The following MYT1L variants were observed in gnomAD, a reference collection of about 807,000 sequenced individuals.
MYT1L encodes the protein myelin transcription factor 1-like protein.
MYT1L carries 12 observed loss-of-function variants against 126.7 expected under a neutral mutation model. That is an observed-to-expected ratio of 0.09 (90% CI 0.06 to 0.15). The LOEUF (loss-of-function observed/expected upper bound fraction) is 0.15. Ranked by LOEUF, MYT1L falls within the 10% of genes least tolerant of loss-of-function variation. MYT1L has a pLI of 1.00. For synonymous variants in MYT1L, 541 were observed against 604.2 expected, an observed-to-expected ratio of 0.90 and a Z score of 1.53; for missense variants, 979 against 1,585.2, an observed-to-expected ratio of 0.62 and a Z score of 6.49.
intron 3 of MYT1L, among the ~76,000 whole-genome samples, chr2:2,092,254 G>A (rs769495614): frequency 6.6e-6 from 1 of 151,832 alleles, no homozygotes; most frequent in Non-Finnish European, 1.5e-5. Flanking sequence ...AGGGTTGTTC[G>A]TTGGCCTAAT....
At chr2:1,936,107 G>C (rs2055845266) in intron 9 of MYT1L, among the ~76,000 whole-genome samples, 2 of 152,048 alleles carry the variant, frequency 1.3e-5, no homozygotes, top group African/African-American at 4.8e-5. Flanking sequence ...ATTTTTAGTA[G>C]AGACAGGGTT....
chr2:2,136,673 TTTC>T (rs2083097233), intron 3 of MYT1L, among the ~76,000 whole-genome samples: 1 of 152,200 alleles, frequency 6.6e-6, no homozygotes, highest in Non-Finnish European at 1.5e-5. Flanking sequence ...CTGTTTAGAT[TTTC>T]TTTCTTGTCT....
intron 4 of MYT1L, among the ~76,000 whole-genome samples, chr2:2,047,384 C>T (rs1246597944): frequency 3.3e-5 from 5 of 152,122 alleles, no homozygotes; most frequent in Non-Finnish European, 1.5e-5. Flanking sequence ...AGAATTTTGT[C>T]CACAAGACTA....
chr2:2,185,070 T>C (rs1264857709), intron 2 of MYT1L, among the ~76,000 whole-genome samples: 6 of 152,278 alleles, frequency 3.9e-5, no homozygotes, highest in Non-Finnish European at 7.4e-5. Flanking sequence ...ATTTAGAAAA[T>C]GCCCTCATGC....
chr2:2,217,919 A>G (rs1393312107), intron 2 of MYT1L, among the ~76,000 whole-genome samples: 1 of 152,224 alleles, frequency 6.6e-6, no homozygotes, highest in Non-Finnish European at 1.5e-5. Context: ...AGATCTGAAC[A>G]GACCTTTTAT....
chr2:2,184,488 A>G (rs970595358), intron 2 of MYT1L, among the ~76,000 whole-genome samples: 3 of 152,162 alleles, frequency 2.0e-5, no homozygotes, highest in Admixed American at 1.3e-4. Context: ...TAAAATGATG[A>G]GTTTAATGTG....
chr2:2,094,153 A>G (rs1382066439), intron 3 of MYT1L, among the ~76,000 whole-genome samples: 3 of 152,230 alleles, frequency 2.0e-5, no homozygotes, highest in African/African-American at 7.2e-5. Flanking sequence ...CTTTTGGCTT[A>G]GGATTGACTT....
At chr2:1,875,865 A>AGTG (rs1192382385) in intron 18 of MYT1L, among the ~76,000 whole-genome samples, 6 of 152,082 alleles carry the variant, frequency 3.9e-5, no homozygotes, top group Non-Finnish European at 7.4e-5. Context: ...AGGGCTCTGC[A>AGTG]CTCTTAGTGC....
chr2:2,132,223 G>T (rs1045285827), intron 3 of MYT1L, among the ~76,000 whole-genome samples: 2 of 151,822 alleles, frequency 1.3e-5, no homozygotes, highest in Non-Finnish European at 2.9e-5. Flanking sequence ...TCATCATTTT[G>T]GGCAGAGCTT....
intron 1 of MYT1L, among the ~76,000 whole-genome samples, chr2:2,287,368 T>G (rs1464685061): frequency 1.3e-5 from 2 of 152,240 alleles, no homozygotes; most frequent in African/African-American, 4.8e-5. Flanking sequence ...GACGAAGTTA[T>G]TTAATGTCAG....
chr2:1,908,592 C>T (rs1199119813), intron 13 of MYT1L, among the ~76,000 whole-genome samples: 1 of 152,234 alleles, frequency 6.6e-6, no homozygotes, highest in African/African-American at 2.4e-5. Context: ...AAATTTCTCC[C>T]TACCAACTTT....
At chr2:2,277,156 TG>T (rs1456398286) in intron 2 of MYT1L, among the ~76,000 whole-genome samples, 1 of 152,038 alleles carries the variant, frequency 6.6e-6, no homozygotes, top group African/African-American at 2.4e-5. Context: ...TAATTTTTTT[TG>T]TATTTTTTTT....
chr2:1,890,851 T>C (rs2048776121), intron 15 of MYT1L, among the ~76,000 whole-genome samples: 5 of 152,204 alleles, frequency 3.3e-5, no homozygotes, highest in Admixed American at 3.3e-4. Flanking sequence ...TGATAAATTA[T>C]ACAGTATCAT....
At chr2:1,956,188 G>GCTGTCTGTCTGTCTGT (rs762129997) in intron 8 of MYT1L, among the ~76,000 whole-genome samples, 2 of 64,990 alleles carry the variant, frequency 3.1e-5, no homozygotes, top group Non-Finnish European at 3.2e-5. Flanking sequence ...CATTTACCTA[G>GCTGTCTGTCTGTCTGT]CTGTCTATCT....
intron 3 of MYT1L, among the ~76,000 whole-genome samples, chr2:2,144,328 G>A (rs1306319883): frequency 6.6e-6 from 1 of 152,160 alleles, no homozygotes; most frequent in Non-Finnish European, 1.5e-5. Context: ...TGCTGATGGA[G>A]GTCACCAGTC....
chr2:1,889,993 TAGGG>T lies in MYT1L; in HGVS notation c.2284-520_2284-517del, dbSNP rs576586466. On this transcript the variant is annotated intron_variant, in intron 15 of 24. Coordinates refer to ENST00000647738, the MANE Select transcript of MYT1L (RefSeq NM_001303052.2). The surrounding 1 kb of genome is among the most constrained non-coding windows in gnomAD (Gnocchi z 4.1). ...TTATTGATGCTAATAGTTCAAGAAT[TAGGG>T]AGGAGGATAACAAAAGAATTAGAAG... is the stretch of plus-strand genomic sequence containing the variant. Among the ~76,000 whole-genome samples the T allele has an allele frequency of 1.3e-5, 2 of 152,086 alleles. No individual in the cohort carries two copies. Among genetic ancestry groups the T allele is most frequent in the Non-Finnish European group, 2.9e-5 (2 of 68,028 alleles).
At chr2:2,168,023 C>A (rs2089448522) in intron 3 of MYT1L, among the ~76,000 whole-genome samples, 1 of 152,170 alleles carries the variant, frequency 6.6e-6, no homozygotes, top group Non-Finnish European at 1.5e-5. Context: ...GCATTTACTT[C>A]ATTTAGATAT....
chr2:2,111,470 C>T (rs1316345070), intron 3 of MYT1L, among the ~76,000 whole-genome samples: 1 of 152,182 alleles, frequency 6.6e-6, no homozygotes, highest in Non-Finnish European at 1.5e-5. Context: ...TAGCAACCAG[C>T]ATTACAAGGT....
At chr2:2,102,478 T>C (rs1476928226) in intron 3 of MYT1L, among the ~76,000 whole-genome samples, 1 of 152,110 alleles carries the variant, frequency 6.6e-6, no homozygotes, top group East Asian at 1.9e-4. Flanking sequence ...AACATATCAA[T>C]ATTGTTCTTT....
Sources: gnomAD v4.1 joint callset for allele counts (sites outside exome capture counted in the v4.1 genomes callset) on GRCh38, gnomAD v4.1.1 for gene constraint, Gnocchi (gnomAD v3.1) non-coding constraint, MANE v1.5 for transcripts, NCBI Gene and HGNC (gene_info 2026-07-23, HGNC 2026-07-21) for gene names.